Variants in PACRGL observed in about 807,000 individuals in gnomAD.
PACRGL encodes parkin coregulated like.
PACRGL carries 38 observed loss-of-function variants against 34.5 expected under a neutral mutation model. The observed-to-expected ratio is 1.10, with a 90% confidence interval of 0.85 to 1.44. The LOEUF (loss-of-function observed/expected upper bound fraction) is 1.44. PACRGL is among the 40% of genes most tolerant of loss of function. PACRGL has a pLI of 0.00. For synonymous variants in PACRGL, 128 were observed against 100.1 expected (o/e 1.28, Z -1.66); for missense variants, 305 against 281.4 (o/e 1.08, Z -0.60).
At chr4:20,758,495 G>A in the PACRGL span, among the ~76,000 whole-genome samples, 1 of 152,230 alleles carries the variant, frequency 6.6e-6, no homozygotes, top group Non-Finnish European at 1.5e-5. Flanking sequence ...GGAGAATCAA[G>A]TGAGACCTAC....
intron 3 of PACRGL, 109 bp from the exon 4 acceptor site, chr4:20,707,694 T>C: frequency 3.7e-6 from 3 of 809,574 alleles, no homozygotes; most frequent in Non-Finnish European, 2.1e-6. Flanking sequence ...TGTTGCTGAG[T>C]AGAAACGGTG....
At chr4:20,733,412 C>T (rs550456532), downstream of PACRGL, among the ~76,000 whole-genome samples, 104 of 152,228 alleles carry the variant, frequency 6.8e-4, no homozygotes, top group Non-Finnish European at 1.3e-3. Context: ...TAAAAATAAT[C>T]TCTAATAACT....
rs753347278 is a variant in PACRGL, at chr4:20,707,819, G to A, written c.224G>A (p.Arg75Gln). ...TTATTTTAGTTTGGTGAACAGTCACGAGTGCCTTCTGCATTTGCAGCTATT... is the reference window on the plus strand; with the variant it reads ...TTATTTTAGTTTGGTGAACAGTCACAAGTGCCTTCTGCATTTGCAGCTATT... ...KTINPFGEQS[R>Q]VPSAFAAIYS... The change falls in exon 4 of 9, where the codon CGA (arginine) becomes CAA (glutamine). Residue 75 changes from arginine (R) to glutamine (Q), a missense_variant. By Grantham distance (43) the Arg-to-Gln change is conservative. Transcript: ENST00000503585. The A allele has an allele frequency of 5.0e-6, 8 of 1,613,646 alleles. No individual in the cohort carries two copies. The highest frequency in any genetic ancestry group is 4.5e-5 in the East Asian group (2 of 44,880).
chr4:20,714,719 A>G (rs1206836237), intron 7 of PACRGL, among the ~76,000 whole-genome samples: 2 of 152,138 alleles, frequency 1.3e-5, no homozygotes, highest in Non-Finnish European at 2.9e-5. Flanking sequence ...CAAAACCACA[A>G]TGAGATACCA....
intron 8 of PACRGL, among the ~76,000 whole-genome samples, chr4:20,725,392 C>T (rs1745234967): frequency 6.6e-6 from 1 of 151,964 alleles, no homozygotes; most frequent in Non-Finnish European, 1.5e-5. Context: ...CATATGCACA[C>T]ACAGTGCTGG....
At position 20,704,648 on chromosome 4, in the gene PACRGL, G is replaced by GT. The variant is rs763340471; in HGVS notation, c.53-5dup. On this transcript the variant is annotated splice_polypyrimidine_tract_variant and intron_variant, in intron 2 of 8. Coordinates refer to ENST00000503585, the MANE Select transcript of PACRGL (RefSeq NM_001258345.3). ...TGTACCTGGTTTCTATTGATGTTCTGTTTTTTTCCAGGTAACTATGATCAA... is the reference window on the plus strand; with the variant it reads ...TGTACCTGGTTTCTATTGATGTTCTGTTTTTTTTCCAGGTAACTATGATCAA... 4 of 1,613,850 alleles carry GT rather than the reference G, an allele frequency of 2.5e-6. No individual in the cohort carries two copies. The highest frequency in any genetic ancestry group is 2.2e-5 in the East Asian group (1 of 44,860).
intron 8 of PACRGL, among the ~76,000 whole-genome samples, chr4:20,748,408 C>T (rs992004069): frequency 2.0e-5 from 3 of 151,902 alleles, no homozygotes; most frequent in African/African-American, 4.8e-5. Context: ...ACTGAGCAGG[C>T]TTCCCTGCTA....
rs1232859183 is a variant in PACRGL, at chr4:20,730,269, T to C, written c.*2928T>C. Reference sequence around the variant, plus strand: ...AGCTCAAATATTAAGTGTTTGCAAATGTAAATGCCATTCTATTCTATCCAT... The same window carrying C: ...AGCTCAAATATTAAGTGTTTGCAAACGTAAATGCCATTCTATTCTATCCAT... On this transcript the variant is annotated 3_prime_UTR_variant, in exon 9 of 9. Coordinates refer to ENST00000503585, the MANE Select transcript of PACRGL (RefSeq NM_001258345.3). 8 of 1,063,476 alleles carry C rather than the reference T, an allele frequency of 7.5e-6. No homozygotes were observed. The East Asian group carries it at 1.4e-4, about 19-fold the overall frequency. 65.9% of individuals were successfully genotyped at this position (1,063,476 alleles called of 1,614,324 possible).
chr4:20,706,360 G>A (rs892675198), intron 3 of PACRGL, among the ~76,000 whole-genome samples: 4 of 152,128 alleles, frequency 2.6e-5, no homozygotes, highest in African/African-American at 9.7e-5. Flanking sequence ...CTTGTAGATG[G>A]TAGAAGTCAA....
rs1276444129 is a variant in PACRGL at position 20,730,421 on chromosome 4, A to G, written c.*3080A>G. ...GGATATTTCTCAAATCATAATGCCA[A>G]AATGGAAACTACAGAGGTGCAGAGG... On this transcript the variant is annotated 3_prime_UTR_variant, in exon 9 of 9. Coordinates refer to ENST00000503585, the MANE Select transcript of PACRGL (RefSeq NM_001258345.3). 1.3e-5 allele frequency among the ~76,000 whole-genome samples: 2 copies of G among 152,308 alleles called. No homozygotes were observed. The highest frequency in any genetic ancestry group is 2.1e-4 in the South Asian group (1 of 4,812).
At chr4:20,734,782 CAAAAACAAAAA>C (rs747007054), downstream of PACRGL, 7 of 1,153,590 alleles carry the variant, frequency 6.1e-6, no homozygotes. Flanking sequence ...TTTAAAAAAA[CAAAAACAAAAA>C]AAACAAATGA....
Position 20,731,462 on chromosome 4 carries a change from A to C in PACRGL, c.*4121A>C, listed in dbSNP as rs146831140. Reference sequence around the variant, plus strand: ...CTGGTTTCTTTGATAACAGGCTACTACCTGGAGTTCTCTTCAGAGAAAATT... The same window carrying C: ...CTGGTTTCTTTGATAACAGGCTACTCCCTGGAGTTCTCTTCAGAGAAAATT... On this transcript the variant is annotated 3_prime_UTR_variant, in exon 9 of 9. Coordinates refer to ENST00000503585, the MANE Select transcript of PACRGL (RefSeq NM_001258345.3). The C allele has an allele frequency of 1.0e-6, 1 of 985,264 alleles. No individual in the cohort carries two copies. Among genetic ancestry groups the C allele is most frequent in the Admixed American group, 6.1e-5 (1 of 16,272 alleles). The allele number at this position is 985,264 out of a possible 1,614,324, so 61.0% of individuals were successfully genotyped here. A position where few individuals can be genotyped will look rare whatever the true frequency, so the allele number is the denominator to read the frequency against.
At chr4:20,741,959 A>C (rs978314430) in intron 8 of PACRGL, among the ~76,000 whole-genome samples, 1 of 152,252 alleles carries the variant, frequency 6.6e-6, no homozygotes, top group African/African-American at 2.4e-5. Context: ...CGAATAAACT[A>C]GAAAATCTAG....
rs1744932761 is a variant in PACRGL at position 20,724,813 on chromosome 4, C to G, written c.615C>G (p.Ser205=). ...CCCTAATCTTACTTTAAAAGCTTTC[C>G]AAGAGATTAATGGACAAGAAATTCA... ...DHLKHLLTSL[S]KRLMDKKFKE... The change falls in exon 8 of 9, where the codon TCC becomes TCG. Residue 205 remains serine, a synonymous_variant. Coordinates refer to ENST00000503585, the MANE Select transcript of PACRGL (RefSeq NM_001258345.3). The G allele has an allele frequency of 1.5e-5, 22 of 1,477,634 alleles. No individual in the cohort carries two copies. Among genetic ancestry groups the G allele is most frequent in the Non-Finnish European group, 2.0e-5 (22 of 1,122,086 alleles). The allele number at this position is 1,477,634 out of a possible 1,614,324, so 91.5% of individuals were successfully genotyped here. A position where few individuals can be genotyped will look rare whatever the true frequency, so the allele number is the denominator to read the frequency against.
intron 5 of PACRGL, among the ~76,000 whole-genome samples, chr4:20,711,037 AAAG>A (rs999097821): frequency 5.9e-5 from 9 of 152,214 alleles, no homozygotes; most frequent in South Asian, 4.1e-4. Context: ...AAAAGAAAAA[AAAG>A]AAGATCACAT....
intron 8 of PACRGL, among the ~76,000 whole-genome samples, chr4:20,739,150 T>C (rs1168643629): frequency 1.3e-5 from 2 of 152,206 alleles, no homozygotes; most frequent in Non-Finnish European, 2.9e-5. Context: ...AGATGCCACC[T>C]CTGGGGGCAG....
Position 20,731,263 on chromosome 4 carries a change from A to G in PACRGL, c.*3922A>G, listed in dbSNP as rs926447930. ...TTAATTTTTTTTTGTAGAGATAGATAGGGTCTTGCTATGTTGCCCACATTG... is the reference window on the plus strand; with the variant it reads ...TTAATTTTTTTTTGTAGAGATAGATGGGGTCTTGCTATGTTGCCCACATTG... On this transcript the variant is annotated 3_prime_UTR_variant, in exon 9 of 9. Coordinates refer to ENST00000503585, the MANE Select transcript of PACRGL (RefSeq NM_001258345.3). The G allele has an allele frequency of 2.8e-6, 1 of 357,928 alleles. No homozygotes were observed. Among genetic ancestry groups the G allele is most frequent in the Admixed American group, 6.5e-5 (1 of 15,466 alleles). 22.2% of individuals were successfully genotyped at this position (357,928 alleles called of 1,614,324 possible).
chr4:20,718,248 T>C (rs1289487252), intron 7 of PACRGL, among the ~76,000 whole-genome samples: 1 of 152,180 alleles, frequency 6.6e-6, no homozygotes, highest in Non-Finnish European at 1.5e-5. Flanking sequence ...GATGGGGTTT[T>C]CTAGATATAC....
At position 20,712,635 on chromosome 4, in the gene PACRGL, G is replaced by GTATT. The variant is rs1181854126; in HGVS notation, c.367-151_367-150insTTTA. Reference sequence around the variant, plus strand: ...ACCCTTTGTCCCACAGTTTCTCAATGTAATTGAAATTGTAACTACTGAAAT... The same window carrying GTATT: ...ACCCTTTGTCCCACAGTTTCTCAATGTATTTAATTGAAATTGTAACTACTGAAAT... On this transcript the variant is annotated intron_variant, in intron 5 of 8. Transcript: ENST00000503585. 6 of 731,962 alleles carry GTATT rather than the reference G, an allele frequency of 8.2e-6. No homozygotes were observed. In the African/African-American group the frequency reaches 9.1e-5, roughly 11 times the overall value. The allele number at this position is 731,962 out of a possible 1,614,324, so 45.3% of individuals were successfully genotyped here. A position where few individuals can be genotyped will look rare whatever the true frequency, so the allele number is the denominator to read the frequency against.
Sources: gnomAD v4.1 joint callset for allele counts (sites outside exome capture counted in the v4.1 genomes callset) on GRCh38, gnomAD v4.1.1 for gene constraint, MANE v1.5 for transcripts, NCBI Gene and HGNC (gene_info 2026-07-23, HGNC 2026-07-21) for gene names.